PCDH15: variants seen among roughly 807,000 people sequenced by gnomAD.
PCDH15 encodes the protein protocadherin-15.
Under a neutral mutation model 178.5 loss-of-function variants are expected in PCDH15, and 129 were observed. That is an observed-to-expected ratio of 0.72 (90% CI 0.63 to 0.84). PCDH15 has a LOEUF of 0.84. PCDH15 is among the 40% of genes least tolerant of loss of function. The pLI is 0.00. For missense variants in PCDH15, 2,230 were observed against 2,099.9 expected (o/e 1.06, Z -1.21); for synonymous variants, 800 against 732.0 (o/e 1.09, Z -1.50).
intron 5 of PCDH15, among the ~76,000 whole-genome samples, chr10:54,354,059 C>T (rs1265352152): frequency 1.3e-5 from 2 of 152,078 alleles, no homozygotes; most frequent in South Asian, 2.1e-4. Context: ...AATCTCGGCT[C>T]ACCGCAACCT....
intron 3 of PCDH15, among the ~76,000 whole-genome samples, chr10:54,387,037 G>T (rs1418590062): frequency 6.6e-6 from 1 of 151,924 alleles, no homozygotes; most frequent in Non-Finnish European, 1.5e-5. Context: ...ACATATGTTA[G>T]TTGGCTTGAT....
At chr10:55,361,932 G>A (rs902505274) in intron 2 of PCDH15, among the ~76,000 whole-genome samples, 10 of 152,112 alleles carry the variant, frequency 6.6e-5, no homozygotes, top group East Asian at 1.9e-4. Flanking sequence ...CATGTATTAC[G>A]TTTACCATGG....
intron 23 of PCDH15, among the ~76,000 whole-genome samples, chr10:53,951,946 C>G (rs1043232566): frequency 6.6e-6 from 1 of 152,192 alleles, no homozygotes; most frequent in African/African-American, 2.4e-5. Context: ...CAGATGCCAG[C>G]TCCATACAAG....
At chr10:54,292,932 A>C (rs2059513634) in intron 8 of PCDH15, among the ~76,000 whole-genome samples, 1 of 152,170 alleles carries the variant, frequency 6.6e-6, no homozygotes, top group Non-Finnish European at 1.5e-5. Flanking sequence ...TCAAGCTACC[A>C]ATGACTTTCT....
intron 29 of PCDH15, among the ~76,000 whole-genome samples, chr10:53,839,466 G>A (rs957352102): frequency 6.6e-6 from 1 of 151,884 alleles, no homozygotes; most frequent in Admixed American, 6.6e-5. Context: ...ATGTTTATAT[G>A]CTGTTTAAAA....
intron 3 of PCDH15, among the ~76,000 whole-genome samples, 160 bp from the exon 4 acceptor site, chr10:54,379,102 G>GC (rs1482405099): frequency 2.6e-5 from 4 of 151,994 alleles, no homozygotes; most frequent in African/African-American, 9.7e-5. Context: ...TTACCAAAAG[G>GC]CCAAAGTATC....
At chr10:54,845,587 C>T (rs953387314) in intron 3 of PCDH15, among the ~76,000 whole-genome samples, 1 of 152,002 alleles carries the variant, frequency 6.6e-6, no homozygotes, top group African/African-American at 2.4e-5. Context: ...CTTTTATTAT[C>T]TATTATATTA....
chr10:54,360,501 G>A (rs531731558), intron 5 of PCDH15, among the ~76,000 whole-genome samples: 1 of 152,130 alleles, frequency 6.6e-6, no homozygotes, highest in African/African-American at 2.4e-5. Context: ...CCTCTATGGT[G>A]AGCTAACTAT....
intron 3 of PCDH15, among the ~76,000 whole-genome samples, chr10:54,411,153 C>G (rs1377647891): frequency 6.6e-6 from 1 of 152,060 alleles, no homozygotes; most frequent in Non-Finnish European, 1.5e-5. Context: ...ACCCATGATG[C>G]TTGGGTGGGT....
chr10:55,437,014 G>T (rs1002326950), intron 2 of PCDH15, among the ~76,000 whole-genome samples: 3 of 152,204 alleles, frequency 2.0e-5, no homozygotes, highest in East Asian at 1.9e-4. Context: ...GAGTCATTTT[G>T]TTCCCATATT....
chr10:54,486,156 C>G (rs911339188), intron 3 of PCDH15: 1 of 151,950 alleles, frequency 6.6e-6, no homozygotes, highest in Non-Finnish European at 1.5e-5. Context: ...TGAGTCCCAC[C>G]AGCGTCACAG....
intron 5 of PCDH15, among the ~76,000 whole-genome samples, chr10:54,358,858 G>A (rs956395481): frequency 1.3e-5 from 2 of 151,868 alleles, no homozygotes; most frequent in African/African-American, 4.8e-5. Flanking sequence ...CATGTCCTTT[G>A]TAGGGACATG....
At chr10:54,485,534 T>C (rs1016051145) in intron 3 of PCDH15, among the ~76,000 whole-genome samples, 2 of 151,998 alleles carry the variant, frequency 1.3e-5, no homozygotes, top group African/African-American at 4.8e-5. Flanking sequence ...CCTTCATCTC[T>C]GCTCCCTGAA....
intron 1 of PCDH15, among the ~76,000 whole-genome samples, chr10:55,169,139 C>T (rs1839268545): frequency 6.6e-6 from 1 of 151,984 alleles, no homozygotes; most frequent in Non-Finnish European, 1.5e-5. Flanking sequence ...TTAACTACTT[C>T]AATATTAGCT....
chr10:54,177,716 G>A (rs761625098), intron 13 of PCDH15, among the ~76,000 whole-genome samples: 27 of 152,114 alleles, frequency 1.8e-4, no homozygotes, highest in Non-Finnish European at 3.7e-4. Context: ...AGACTGCAAG[G>A]TGCCTATCCT....
At chr10:54,942,869 T>C (rs576934134) in intron 2 of PCDH15, among the ~76,000 whole-genome samples, 3 of 152,180 alleles carry the variant, frequency 2.0e-5, no homozygotes, top group South Asian at 4.1e-4. Context: ...GAAACTTTAC[T>C]CTGTGCTAGG....
chr10:54,681,227 C>T lies in PCDH15; in HGVS notation c.-28-16937G>A, dbSNP rs1252512324. Among the ~76,000 whole-genome samples the T allele has an allele frequency of 2.6e-5, 4 of 152,264 alleles. No individual in the cohort carries two copies. In the South Asian group the frequency reaches 8.3e-4, roughly 32 times the overall value. ...TTTGGAGTAGAAATCAAGAGTTTGGCTTTGATTGCTCAAATAAAGTTTGAA... is the reference window on the plus strand; with the variant it reads ...TTTGGAGTAGAAATCAAGAGTTTGGTTTTGATTGCTCAAATAAAGTTTGAA... On this transcript the variant is annotated intron_variant, in intron 1 of 37. Coordinates refer to ENST00000644397, the MANE Select transcript of PCDH15 (RefSeq NM_001384140.1).
At chr10:55,329,623 G>C (rs1261320563) in intron 2 of PCDH15, among the ~76,000 whole-genome samples, 1 of 151,790 alleles carries the variant, frequency 6.6e-6, no homozygotes, top group African/African-American at 2.4e-5. Context: ...GGTTAGCCCT[G>C]AAAATTCAGT....
intron 2 of PCDH15, among the ~76,000 whole-genome samples, chr10:55,342,099 G>C (rs1467427195): frequency 1.3e-5 from 2 of 151,118 alleles, no homozygotes; most frequent in African/African-American, 4.8e-5. Context: ...TATGTATATT[G>C]TTAATGGCAA....
Sources: gnomAD v4.1 joint callset for allele counts (sites outside exome capture counted in the v4.1 genomes callset) on GRCh38, gnomAD v4.1.1 for gene constraint, MANE v1.5 for transcripts, NCBI Gene and HGNC (gene_info 2026-07-23, HGNC 2026-07-21) for gene names.